The following CDH11 variants were observed in gnomAD, a reference collection of about 807,000 sequenced individuals.
CDH11 encodes cadherin 11, also known as cadherin-11.
Under a neutral mutation model 67.8 loss-of-function variants are expected in CDH11, and 11 were observed. That is an observed-to-expected ratio of 0.16 (90% CI 0.10 to 0.27). The LOEUF is 0.27. Ranked by LOEUF, CDH11 falls within the 10% of genes least tolerant of loss-of-function variation. CDH11 has a pLI of 1.00. For missense variants in CDH11, 847 were observed against 1,031.2 expected, an observed-to-expected ratio of 0.82 and a Z score of 2.45; for synonymous variants, 419 against 400.0, an observed-to-expected ratio of 1.05 and a Z score of -0.57.
rs75065329 is a variant in CDH11 at position 64,982,383 on chromosome 16, G to A, written c.1000-82C>T. On this transcript the variant is annotated intron_variant, in intron 7 of 12. Transcript: ENST00000268603. ...AAAGACCCGATTGTTTTATAGGGAC[G>A]AGTGAATATTCCTCAAAGAGAGAAA... is the stretch of plus-strand genomic sequence containing the variant. 3.2e-3 allele frequency: 3,156 copies of A among 989,292 alleles called. 76 individuals are homozygous for A. The African/African-American group carries it at 0.045, about 14-fold the overall frequency. The allele number at this position is 989,292 out of a possible 1,614,324, so 61.3% of individuals were successfully genotyped here. A position where few individuals can be genotyped will look rare whatever the true frequency, so the allele number is the denominator to read the frequency against.
chr16:64,986,054 A>T (rs1297082784), intron 7 of CDH11: 2 of 152,156 alleles, frequency 1.3e-5, no homozygotes, highest in African/African-American at 4.8e-5. Flanking sequence ...AAATAAAAAC[A>T]CTAAGTTAAA....
rs80138971 is a variant in CDH11 at position 64,972,023 on chromosome 16, C to T, written c.1432G>A (p.Val478Ile). The T allele has an allele frequency of 5.7e-4, 919 of 1,613,398 alleles. 3 individuals carry two copies. The African/African-American group carries it at 8.4e-3, about 15-fold the overall frequency. ...QEAKVPVAIR[V>I]LDVNDNAPKF... The stretch of plus-strand genomic sequence containing the variant: ...GGAGCATTATCGTTGACATCAAGGA[C>T]CCTAATGGCCACTGGGACTTTGGCT... Residue 478 changes from valine to isoleucine, a missense_variant, in exon 10 of 13, where the codon GTC becomes ATC. By Grantham distance (29) the Val-to-Ile change is conservative. Transcript: ENST00000268603.
At chr16:65,055,124 C>T (rs9931832) in intron 1 of CDH11, among the ~76,000 whole-genome samples, 10,440 of 152,198 alleles carry the variant, frequency 0.069, 1,228 homozygotes, top group African/African-American at 0.24. Context: ...GGAGGAAATG[C>T]TACATGCAGC....
chr16:65,032,368 G>A (rs1597113887), intron 2 of CDH11, among the ~76,000 whole-genome samples: 1 of 151,026 alleles, frequency 6.6e-6, no homozygotes, highest in Admixed American at 6.6e-5. Flanking sequence ...TGGCATGCCT[G>A]TAGTTCAGCT....
intron 1 of CDH11, among the ~76,000 whole-genome samples, chr16:65,064,094 G>T (rs192873543): frequency 1.3e-5 from 2 of 152,316 alleles, no homozygotes; most frequent in East Asian, 3.9e-4. Flanking sequence ...GGCTCTCAGG[G>T]TGATGTGTAG....
chr16:65,009,268 A>G (rs1472760378), intron 2 of CDH11, among the ~76,000 whole-genome samples: 3 of 152,188 alleles, frequency 2.0e-5, no homozygotes, highest in African/African-American at 7.2e-5. Flanking sequence ...AGAAAGAAAA[A>G]GCATTTTATA....
chr16:65,023,150 C>T (rs1336714927), intron 2 of CDH11, among the ~76,000 whole-genome samples: 2 of 152,196 alleles, frequency 1.3e-5, no homozygotes, highest in East Asian at 3.8e-4. Context: ...TGTGCTTCTG[C>T]CTGTCCAGGA....
rs2142648175 is a variant in CDH11 at position 65,037,094 on chromosome 16, C to A, written c.-173+16710G>T. Among the ~76,000 whole-genome samples, 4 of 152,242 alleles carry A rather than the reference C, an allele frequency of 2.6e-5. 1 individual carries two copies. Among genetic ancestry groups the A allele is most frequent in the Admixed American group, 2.6e-4 (4 of 15,294 alleles). The stretch of plus-strand genomic sequence containing the variant: ...CACTGCAGCCTGCTCTGGGCAACAT[C>A]ACATGAAGGGAAAACCCGATAGCTC... On this transcript the variant is annotated intron_variant, in intron 2 of 12. Coordinates refer to ENST00000268603, the MANE Select transcript of CDH11 (RefSeq NM_001797.4).
intron 9 of CDH11, among the ~76,000 whole-genome samples, chr16:64,972,575 G>T (rs2072037432): frequency 1.3e-5 from 2 of 152,038 alleles, no homozygotes; most frequent in African/African-American, 4.8e-5. Flanking sequence ...ACAAACCTTG[G>T]GCCTAAGGAC....
intron 2 of CDH11, among the ~76,000 whole-genome samples, chr16:65,014,841 A>C (rs2142558850): frequency 6.6e-6 from 1 of 151,998 alleles, no homozygotes; most frequent in African/African-American, 2.4e-5. Context: ...TGAGGAATAA[A>C]GAGCATTTGG....
chr16:65,050,271 A>G (rs1048971042), intron 2 of CDH11, among the ~76,000 whole-genome samples: 7 of 152,160 alleles, frequency 4.6e-5, no homozygotes, highest in Non-Finnish European at 1.5e-5. Context: ...ACGGAAGCTC[A>G]AGCTCCAGTG....
chr16:65,024,101 G>A (rs2073485084), intron 2 of CDH11, among the ~76,000 whole-genome samples: 1 of 152,204 alleles, frequency 6.6e-6, no homozygotes, highest in Non-Finnish European at 1.5e-5. Context: ...TCAGGTAGAA[G>A]TGAATATTGC....
chr16:64,992,152 T>C (rs868389666), intron 5 of CDH11, among the ~76,000 whole-genome samples: 3 of 152,208 alleles, frequency 2.0e-5, no homozygotes, highest in African/African-American at 4.8e-5. Context: ...TTTGTATTTA[T>C]GTTTTGTTGT....
chr16:65,092,183 C>G (rs935523256), intron 1 of CDH11, among the ~76,000 whole-genome samples: 1 of 152,118 alleles, frequency 6.6e-6, no homozygotes, highest in African/African-American at 2.4e-5. Context: ...ACACTGCAGC[C>G]CCTCAAAGCT....
At chr16:64,999,514 T>C (rs2072862149) in intron 3 of CDH11, among the ~76,000 whole-genome samples, 1 of 152,150 alleles carries the variant, frequency 6.6e-6, no homozygotes, top group Non-Finnish European at 1.5e-5. Flanking sequence ...GTTATTATTT[T>C]TTAAAAAATT....
intron 2 of CDH11, among the ~76,000 whole-genome samples, chr16:65,023,226 G>A (rs257335): frequency 0.27 from 40,644 of 152,080 alleles, 6,109 homozygotes; most frequent in Middle Eastern, 0.36. Context: ...TTACCCATCT[G>A]TCCAAAATAA....
intron 5 of CDH11, 137 bp from the exon 6 acceptor site, chr16:64,992,072 C>T: frequency 1.8e-6 from 1 of 554,910 alleles, no homozygotes; most frequent in Non-Finnish European, 3.1e-6. Flanking sequence ...ATGGTAATTA[C>T]AACCAAAGGC....
At chr16:64,962,983 A>T (rs989430966) in intron 11 of CDH11, among the ~76,000 whole-genome samples, 3 of 152,276 alleles carry the variant, frequency 2.0e-5, no homozygotes, top group East Asian at 1.9e-4. Context: ...TACTATCCAC[A>T]TTGTTAAAGG....
intron 2 of CDH11, among the ~76,000 whole-genome samples, chr16:65,028,019 T>C (rs116727491): frequency 4.1e-4 from 62 of 152,310 alleles, no homozygotes; most frequent in African/African-American, 1.5e-3. Context: ...ATATTCAGGA[T>C]TGCAAGGGCA....
Sources: gnomAD v4.1 joint callset for allele counts (sites outside exome capture counted in the v4.1 genomes callset) on GRCh38, gnomAD v4.1.1 for gene constraint, MANE v1.5 for transcripts, NCBI Gene and HGNC (gene_info 2026-07-23, HGNC 2026-07-21) for gene names.